Variants in MRTFB observed in about 807,000 individuals in gnomAD.
MRTFB encodes the protein myocardin related transcription factor B, also known as myocardin-related transcription factor B.
MRTFB carries 29 observed loss-of-function variants against 104.2 expected under a neutral mutation model. The observed-to-expected ratio is 0.28, with a 90% CI of 0.21 to 0.38. MRTFB has a LOEUF of 0.38. MRTFB is among the 10% of genes least tolerant of loss of function. The pLI is 1.00. For missense variants in MRTFB, 1,270 were observed against 1,341.6 expected (o/e 0.95, Z 0.83); for synonymous variants, 535 against 519.5 (o/e 1.03, Z -0.41).
At chr16:14,035,562 G>A in the MRTFB span, among the ~76,000 whole-genome samples, 3 of 151,996 alleles carry the variant, frequency 2.0e-5, no homozygotes, top group Non-Finnish European at 4.4e-5. Flanking sequence ...TGTGCCAGAC[G>A]CTATTTTAAG....
At chr16:14,166,358 G>A (rs375184876) in intron 3 of MRTFB, among the ~76,000 whole-genome samples, 24 of 150,978 alleles carry the variant, frequency 1.6e-4, no homozygotes, top group Admixed American at 3.3e-4. Flanking sequence ...CATTTATTAC[G>A]TATGTATTCT....
rs1350413943 is a variant in MRTFB at position 14,218,908 on chromosome 16, G to A, written c.603G>A (p.Ala201=). 3.7e-6 allele frequency: 6 copies of A among 1,613,954 alleles called. No homozygotes were observed. The highest frequency in any genetic ancestry group is 1.7e-5 in the Admixed American group (1 of 59,998). ...SSDALSPDQP[A]SQESQGSAAS... is the part of the protein sequence containing the mutation. ...ACGCTTTGTCTCCGGACCAGCCTGC[G>A]AGTCAGGAGTCACAGGGGTCAGCCG... is the stretch of plus-strand genomic sequence containing the variant. The change falls in exon 8 of 17, where the codon GCG becomes GCA. Residue 201 remains alanine, a synonymous_variant. Coordinates refer to ENST00000571589, the MANE Select transcript of MRTFB (RefSeq NM_001308142.2).
chr16:14,187,010 G>A, intron 3 of MRTFB: 1 of 1,596,618 alleles, frequency 6.3e-7, no homozygotes, highest in Non-Finnish European at 8.5e-7. Flanking sequence ...GCCTTGAGGG[G>A]AGCAACCAGA....
At chr16:14,156,220 T>C (rs1424042952) in intron 3 of MRTFB, among the ~76,000 whole-genome samples, 1 of 152,228 alleles carries the variant, frequency 6.6e-6, no homozygotes, top group East Asian at 1.9e-4. Flanking sequence ...TTAAGTCCAA[T>C]GATTGTTATT....
At chr16:14,134,818 A>G (rs1403569193) in intron 2 of MRTFB, among the ~76,000 whole-genome samples, 1 of 152,198 alleles carries the variant, frequency 6.6e-6, no homozygotes, top group East Asian at 1.9e-4. Context: ...TGAGCTCTGA[A>G]GTTGGAAACA....
the MRTFB span, among the ~76,000 whole-genome samples, chr16:14,002,636 C>A: frequency 6.6e-6 from 1 of 152,148 alleles, no homozygotes; most frequent in Admixed American, 6.5e-5. Context: ...ACTGGTCAAC[C>A]AGCAACCACA....
chr16:14,079,071 A>G (rs779667035), intron 1 of MRTFB, among the ~76,000 whole-genome samples: 3 of 152,238 alleles, frequency 2.0e-5, no homozygotes, highest in Non-Finnish European at 4.4e-5. Context: ...TGTTAAATAC[A>G]GTTCTTTGAA....
the MRTFB span, among the ~76,000 whole-genome samples, chr16:14,044,565 A>G: frequency 2.6e-5 from 4 of 152,336 alleles, no homozygotes; most frequent in South Asian, 6.2e-4. Context: ...TACCAGGACT[A>G]AACAGTAGCA....
intron 2 of MRTFB, among the ~76,000 whole-genome samples, chr16:14,119,524 T>C (rs1396304641): frequency 2.6e-5 from 4 of 152,210 alleles, no homozygotes; most frequent in Admixed American, 2.0e-4. Flanking sequence ...ACCAAAACTT[T>C]AGGCATTAAT....
intron 12 of MRTFB, chr16:14,248,134 G>A (rs188005430): frequency 6.5e-6 from 1 of 152,744 alleles, no homozygotes; most frequent in Admixed American, 6.5e-5. Context: ...AAAGAGATGA[G>A]AAAACACTGA....
intron 10 of MRTFB, among the ~76,000 whole-genome samples, chr16:14,243,385 C>G (rs1408710509): frequency 6.6e-6 from 1 of 152,222 alleles, no homozygotes; most frequent in Non-Finnish European, 1.5e-5. Context: ...ATGGCTGTCA[C>G]CCCGTAGGCA....
rs1206507677 is a variant in MRTFB, at chr16:14,194,706, T to TC, written c.155-15537_155-15536insC. Among the ~76,000 whole-genome samples the TC allele has an allele frequency of 2.0e-3, 305 of 151,298 alleles. 7 individuals are homozygous for TC. Among genetic ancestry groups the TC allele is most frequent in the Non-Finnish European group, 2.7e-4 (18 of 67,756 alleles). On this transcript the variant is annotated intron_variant, in intron 3 of 16. Transcript: ENST00000571589. The stretch of plus-strand genomic sequence containing the variant: ...TATTTCTTTTTGTATGCTTTTCTTT[T>TC]TTTTTTTTTTTTTTAATTATCTTGT...
chr16:14,218,270 A>G (rs1339819168), intron 7 of MRTFB, among the ~76,000 whole-genome samples: 1 of 152,064 alleles, frequency 6.6e-6, no homozygotes, highest in Non-Finnish European at 1.5e-5. Flanking sequence ...CGCGCTAGCC[A>G]GGATGGTCTC....
chr16:14,079,079 G>A (rs1408516881), intron 1 of MRTFB, among the ~76,000 whole-genome samples: 1 of 152,148 alleles, frequency 6.6e-6, no homozygotes, highest in Non-Finnish European at 1.5e-5. Flanking sequence ...ACAGTTCTTT[G>A]AATACAGTCG....
chr16:14,116,853 G>A (rs1175766363), intron 2 of MRTFB, among the ~76,000 whole-genome samples: 6 of 152,130 alleles, frequency 3.9e-5, no homozygotes. Flanking sequence ...TACCAGTCTA[G>A]AAGGAAGACT....
the MRTFB span, among the ~76,000 whole-genome samples, chr16:14,007,357 T>A: frequency 6.6e-6 from 1 of 152,208 alleles, no homozygotes; most frequent in South Asian, 2.1e-4. Flanking sequence ...GAATCTGACT[T>A]CCTTCACTTA....
chr16:14,000,019 A>G, the MRTFB span, among the ~76,000 whole-genome samples: 1 of 151,820 alleles, frequency 6.6e-6, no homozygotes, highest in Admixed American at 6.6e-5. Context: ...TAGCACTGTG[A>G]CTCTCATGGA....
intron 2 of MRTFB, among the ~76,000 whole-genome samples, chr16:14,087,094 T>C (rs964870298): frequency 2.6e-5 from 4 of 152,060 alleles, no homozygotes; most frequent in South Asian, 2.1e-4. Context: ...GAAAAAAAAA[T>C]TGAAGTACTT....
At chr16:14,182,198 TC>T (rs1438701130) in intron 3 of MRTFB, among the ~76,000 whole-genome samples, 2 of 151,982 alleles carry the variant, frequency 1.3e-5, no homozygotes, top group East Asian at 3.9e-4. Flanking sequence ...CCTAATTCAT[TC>T]CAAAAGGCAT....
Sources: allele counts gnomAD v4.1 joint callset (sites outside exome capture counted in the v4.1 genomes callset), GRCh38; gene constraint gnomAD v4.1.1; transcripts MANE v1.5; gene names NCBI Gene and HGNC (gene_info 2026-07-23, HGNC 2026-07-21).